Variants in RNF38 observed in about 807,000 individuals in gnomAD.
RNF38 encodes the protein E3 ubiquitin-protein ligase RNF38.
In RNF38, 15 loss-of-function variants were observed where a neutral mutation model predicts 67.2. That is an observed-to-expected ratio of 0.22 (90% CI 0.15 to 0.34). The LOEUF (loss-of-function observed/expected upper bound fraction) is 0.34, where lower values mean the gene tolerates loss of function less well. Ranked by LOEUF, RNF38 falls within the 10% of genes least tolerant of loss-of-function variation. The pLI is 1.00. For synonymous variants in RNF38, 220 were observed against 218.8 expected (o/e 1.01, Z -0.05); for missense variants, 524 against 639.9 (o/e 0.82, Z 1.95).
At chr9:36,440,755 C>T (rs902306208) in intron 1 of RNF38, among the ~76,000 whole-genome samples, 2 of 152,138 alleles carry the variant, frequency 1.3e-5, no homozygotes, top group African/African-American at 4.8e-5. Context: ...TTGTTTGCAT[C>T]TTCTACAATA....
Position 36,455,287 on chromosome 9 carries a change from C to G in RNF38, n.242-30604G>C, listed in dbSNP as rs1839560726. The stretch of plus-strand genomic sequence containing the variant: ...GTGTTGGCTAGGCTGGTCTCAAACT[C>G]CAGGCCTCCAGTGATCCACCTGCCT... On this transcript the variant is annotated intron_variant and non_coding_transcript_variant, in intron 1 of 3. Transcript: ENST00000488058. 2.6e-5 allele frequency among the ~76,000 whole-genome samples: 4 copies of G among 151,968 alleles called. 2 individuals carry two copies. In the Middle Eastern group the frequency reaches 0.014, roughly 517 times the overall value.
intron 1 of RNF38, among the ~76,000 whole-genome samples, chr9:36,481,932 A>T (rs558409369): frequency 2.0e-5 from 3 of 152,352 alleles, no homozygotes; most frequent in South Asian, 4.1e-4. Flanking sequence ...GCAGGGGGAA[A>T]TAGGAAGAGA....
At chr9:36,458,645 C>T (rs957642544) in intron 1 of RNF38, among the ~76,000 whole-genome samples, 20 of 151,940 alleles carry the variant, frequency 1.3e-4, no homozygotes, top group Admixed American at 1.2e-3. Context: ...ACGAACCCAC[C>T]GGAAGGAAGT....
chr9:36,406,082 G>T (rs971281409), upstream of RNF38, among the ~76,000 whole-genome samples: 1 of 152,094 alleles, frequency 6.6e-6, no homozygotes, highest in African/African-American at 2.4e-5. Context: ...TCAAATATCT[G>T]TTTCCTCCTG....
intron 5 of RNF38, among the ~76,000 whole-genome samples, chr9:36,356,749 G>T (rs1343862119): frequency 2.7e-5 from 4 of 150,604 alleles, no homozygotes; most frequent in East Asian, 3.9e-4. Flanking sequence ...GGCGGGTGTG[G>T]GGGGGGCGGG....
chr9:36,467,052 G>A (rs542326936), intron 1 of RNF38, among the ~76,000 whole-genome samples: 4 of 139,292 alleles, frequency 2.9e-5, no homozygotes, highest in South Asian at 2.5e-4. Context: ...GGTGGCACGC[G>A]CCTGTAATCC....
chr9:36,414,760 T>C (rs1338023341), intron 2 of RNF38, among the ~76,000 whole-genome samples: 1 of 152,136 alleles, frequency 6.6e-6, no homozygotes, highest in African/African-American at 2.4e-5. Flanking sequence ...GGTGTCGAAT[T>C]CTCTCAGCAT....
intron 3 of RNF38, among the ~76,000 whole-genome samples, chr9:36,370,908 TAAAA>T (rs569848466): frequency 6.8e-6 from 1 of 148,126 alleles, no homozygotes; most frequent in African/African-American, 2.5e-5. Flanking sequence ...GACCATGTCT[TAAAA>T]AAAAAAGAGA....
upstream of RNF38, among the ~76,000 whole-genome samples, chr9:36,404,123 T>C (rs1357510653): frequency 6.6e-6 from 1 of 152,192 alleles, no homozygotes; most frequent in African/African-American, 2.4e-5. Context: ...TGCAATTGAT[T>C]TTTGGTGTTG....
chr9:36,460,700 C>T (rs1177679016), intron 1 of RNF38, among the ~76,000 whole-genome samples: 1 of 151,784 alleles, frequency 6.6e-6, no homozygotes, highest in Admixed American at 6.6e-5. Flanking sequence ...CCAGCCTGAC[C>T]AACGTGGAGA....
At position 36,336,651 on chromosome 9, in the gene RNF38, A is replaced by C. The variant is rs899173206; in HGVS notation, c.*3101T>G. ...ATGATTTGAGAAAATGACTCAGCAA[A>C]TGATTCCAAAAAACACCCCTGTGAG... On this transcript the variant is annotated 3_prime_UTR_variant, in exon 12 of 12. Coordinates refer to ENST00000259605, the MANE Select transcript of RNF38 (RefSeq NM_022781.5). 6.6e-6 allele frequency: 1 copy of C among 152,614 alleles called. No individual in the cohort carries two copies. Among genetic ancestry groups the C allele is most frequent in the Admixed American group, 6.6e-5 (1 of 15,264 alleles). The allele number at this position is 152,614 out of a possible 1,614,324, so 9.5% of individuals were successfully genotyped here. A position where few individuals can be genotyped will look rare whatever the true frequency, so the allele number is the denominator to read the frequency against.
intron 1 of RNF38, among the ~76,000 whole-genome samples, chr9:36,451,974 T>C (rs751121630): frequency 3.3e-5 from 5 of 152,076 alleles, no homozygotes; most frequent in Non-Finnish European, 5.9e-5. Flanking sequence ...CCCAATACTT[T>C]GGGAGGCCAG....
At chr9:36,406,916 CT>C (rs1271091862) in intron 2 of RNF38, among the ~76,000 whole-genome samples, 1 of 152,146 alleles carries the variant, frequency 6.6e-6, no homozygotes, top group African/African-American at 2.4e-5. Flanking sequence ...AATCCCAGCA[CT>C]TTGAGAGGCC....
At chr9:36,431,879 C>CA (rs1399236848) in intron 1 of RNF38, among the ~76,000 whole-genome samples, 1 of 152,086 alleles carries the variant, frequency 6.6e-6, no homozygotes, top group Non-Finnish European at 1.5e-5. Flanking sequence ...AGGGGCCCAC[C>CA]AAGACTCACT....
At chr9:36,419,778 C>T (rs149261023) in intron 2 of RNF38, among the ~76,000 whole-genome samples, 1,698 of 152,178 alleles carry the variant, frequency 0.011, 28 homozygotes, top group African/African-American at 0.039. Flanking sequence ...GCAGAAATTG[C>T]GCCACTGCAC....
intron 1 of RNF38, among the ~76,000 whole-genome samples, chr9:36,473,879 C>G (rs1441680745): frequency 1.3e-5 from 2 of 148,838 alleles, no homozygotes; most frequent in East Asian, 4.0e-4. Context: ...CCCAGCTACT[C>G]AGGAGGCTGA....
At chr9:36,368,510 T>TTAC (rs1330964155) in intron 4 of RNF38, among the ~76,000 whole-genome samples, 1 of 152,202 alleles carries the variant, frequency 6.6e-6, no homozygotes, top group African/African-American at 2.4e-5. Context: ...AAATGGGACT[T>TTAC]TGTAAACACT....
At chr9:36,426,150 C>T (rs1023396680) in intron 1 of RNF38, among the ~76,000 whole-genome samples, 5 of 152,144 alleles carry the variant, frequency 3.3e-5, no homozygotes, top group African/African-American at 7.2e-5. Context: ...CTTTCAGAAT[C>T]GGATTTGTTT....
chr9:36,398,698 A>G (rs1326762091), intron 1 of RNF38, among the ~76,000 whole-genome samples: 1 of 152,216 alleles, frequency 6.6e-6, no homozygotes, highest in Non-Finnish European at 1.5e-5. Flanking sequence ...ACTGTCTGAC[A>G]TGTTTTCTTA....
Sources: gnomAD v4.1 joint callset for allele counts (sites outside exome capture counted in the v4.1 genomes callset) on GRCh38, gnomAD v4.1.1 for gene constraint, MANE v1.5 for transcripts, NCBI Gene and HGNC (gene_info 2026-07-23, HGNC 2026-07-21) for gene names.